The following MAP4K3 variants were observed in gnomAD, a reference collection of about 807,000 sequenced individuals.
The protein encoded by MAP4K3 is MAPK/ERK kinase kinase kinase 3.
In MAP4K3, 94 loss-of-function variants were observed where a neutral mutation model predicts 143.5. The ratio of observed to expected loss-of-function variants is 0.65; its 90% CI spans 0.55 to 0.78. The LOEUF is 0.78. Among genes scored for constraint, MAP4K3 ranks in the 30% least tolerant of loss-of-function variants. The pLI, the probability that MAP4K3 is intolerant of heterozygous loss-of-function variation, is 0.00. For missense variants in MAP4K3, 1,077 were observed against 1,068.1 expected (o/e 1.01, Z -0.12); for synonymous variants, 416 against 347.2 (o/e 1.20, Z -2.20).
chr2:39,415,980 A>AAAAATATATATATAT (rs1553318573), intron 1 of MAP4K3, among the ~76,000 whole-genome samples: 2 of 14,748 alleles, frequency 1.4e-4, no homozygotes, highest in Admixed American at 7.2e-4. Context: ...AAAAAAAAAA[A>AAAAATATATATATAT]ATATATATAT....
At position 39,356,299 on chromosome 2, in the gene MAP4K3, C is replaced by G. The variant is rs1285876041; in HGVS notation, c.195G>C (p.Met65Ile). The G allele has an allele frequency of 2.5e-6, 4 of 1,605,594 alleles. No homozygotes were observed. The Admixed American group carries it at 6.8e-5, about 27-fold the overall frequency. ...FAVVQQEIIMMKDCKHPNIVA... is the reference protein window; with the variant it reads ...FAVVQQEIIMIKDCKHPNIVA... ...CAATATTTGGGTGTTTACAGTCTTT[C>G]ATCATAATAATTTCTTGCTGCACAA... Residue 65 changes from methionine (M) to isoleucine (I), a missense_variant, in exon 3 of 34, where the codon ATG (methionine) becomes ATC (isoleucine). Around this residue, in one of 2 missense-constraint regions of MAP4K3, gnomAD observed 213 missense variants for 266.8 expected, o/e 0.80. Transcript: ENST00000263881.
rs1573153626 is a variant in MAP4K3, at chr2:39,325,608, A to C, written c.828T>G (p.His276Gln). The C allele has an allele frequency of 6.2e-7, 1 of 1,613,118 alleles. No homozygotes were observed. Among genetic ancestry groups the C allele is most frequent in the Middle Eastern group, 1.7e-4 (1 of 5,840 alleles). ...GCTCGATTGCCAAAGACCGTGTCAAATGTTGTGTTACAAAAGGATGCTATA... is the reference window on the plus strand; with the variant it reads ...GCTCGATTGCCAAAGACCGTGTCAACTGTTGTGTTACAAAAGGATGCTATA... ...KLLQHPFVTQ[H>Q]LTRSLAIELL... The change falls in exon 12 of 34, where the codon CAT becomes CAG. Residue 276 changes from histidine (H) to glutamine (Q), a missense_variant. Physicochemically the swap from His to Gln is conservative, Grantham distance 24 (BLOSUM62 0). Around this residue, in one of 2 missense-constraint regions of MAP4K3, gnomAD observed 864 missense variants for 801.2 expected, o/e 1.08. Coordinates refer to ENST00000263881, the MANE Select transcript of MAP4K3 (RefSeq NM_003618.4).
chr2:39,401,932 C>T (rs980755620), intron 1 of MAP4K3, among the ~76,000 whole-genome samples: 5 of 151,930 alleles, frequency 3.3e-5, no homozygotes, highest in Non-Finnish European at 7.4e-5. Flanking sequence ...GTCTGAAATA[C>T]AATAGAAATT....
At chr2:39,280,194 T>C (rs1424221283) in intron 23 of MAP4K3, 78 bp downstream of exon 23, 14 of 833,680 alleles carry the variant, frequency 1.7e-5, no homozygotes, top group Non-Finnish European at 2.3e-5. Flanking sequence ...ACTCAGAAAA[T>C]AAACAAAATC....
intron 31 of MAP4K3, among the ~76,000 whole-genome samples, chr2:39,255,808 G>T (rs1416563956): frequency 6.6e-6 from 1 of 152,192 alleles, no homozygotes; most frequent in African/African-American, 2.4e-5. Flanking sequence ...TTACAGGCAT[G>T]AGCCGCCGCG....
intron 1 of MAP4K3, among the ~76,000 whole-genome samples, chr2:39,378,678 A>T (rs1328312359): frequency 1.3e-5 from 2 of 152,106 alleles, no homozygotes; most frequent in African/African-American, 4.8e-5. Context: ...TTGTGTATAT[A>T]ATTATGAAAA....
chr2:39,430,982 C>A (rs1665266414), intron 1 of MAP4K3, among the ~76,000 whole-genome samples: 1 of 152,230 alleles, frequency 6.6e-6, no homozygotes, highest in South Asian at 2.1e-4. Flanking sequence ...TTATTCATTC[C>A]ATAAATATTT....
At chr2:39,435,962 A>C (rs1665455303) in intron 1 of MAP4K3, among the ~76,000 whole-genome samples, 1 of 152,258 alleles carries the variant, frequency 6.6e-6, no homozygotes, top group Non-Finnish European at 1.5e-5. Flanking sequence ...TTTCCAATGC[A>C]AAATTAAGTT....
chr2:39,354,555 T>C (rs915021652), intron 3 of MAP4K3, among the ~76,000 whole-genome samples: 2 of 151,536 alleles, frequency 1.3e-5, no homozygotes, highest in East Asian at 1.9e-4. Context: ...GAAGTGGAGG[T>C]TGCAGTGAGC....
chr2:39,309,469 G>A lies in MAP4K3; in HGVS notation c.1048C>T (p.His350Tyr). The change falls in exon 14 of 34, where the codon CAT (histidine) becomes TAT (tyrosine). Residue 350 changes from histidine to tyrosine, a missense_variant. Physicochemically the swap from His to Tyr is moderately conservative, Grantham distance 83 (BLOSUM62 2). Around this residue, in one of 2 missense-constraint regions of MAP4K3, gnomAD observed 864 missense variants for 801.2 expected, o/e 1.08. Transcript: ENST00000263881. ...AAGGCTATACTACTTACAAGTTCATGATGTGGTTCTGTCTCCTTTCTTAAG... is the reference window on the plus strand; with the variant it reads ...AAGGCTATACTACTTACAAGTTCATAATGTGGTTCTGTCTCCTTTCTTAAG... ...PPLRKETEPH[H>Y]ELPDSDGFLD... 6.3e-7 allele frequency: 1 copy of A among 1,584,280 alleles called. No individual in the cohort carries two copies. The highest frequency in any genetic ancestry group is 8.6e-7 in the Non-Finnish European group (1 of 1,167,392).
chr2:39,334,789 T>A (rs1683807217), intron 6 of MAP4K3, among the ~76,000 whole-genome samples: 1 of 152,128 alleles, frequency 6.6e-6, no homozygotes, highest in Non-Finnish European at 1.5e-5. Flanking sequence ...AAGTTCCAAT[T>A]CCCATGGAGT....
intron 4 of MAP4K3, among the ~76,000 whole-genome samples, chr2:39,338,303 T>G (rs1026069461): frequency 6.6e-6 from 1 of 152,214 alleles, no homozygotes; most frequent in Non-Finnish European, 1.5e-5. Context: ...TTAGTTGATA[T>G]AGAACATGTA....
At chr2:39,421,676 T>A (rs1352820944) in intron 1 of MAP4K3, among the ~76,000 whole-genome samples, 1 of 152,214 alleles carries the variant, frequency 6.6e-6, no homozygotes, top group Admixed American at 6.5e-5. Context: ...ATAAATGGCA[T>A]CTGCTATGAT....
chr2:39,316,461 G>A (rs930337750), intron 12 of MAP4K3, among the ~76,000 whole-genome samples: 13 of 152,078 alleles, frequency 8.5e-5, no homozygotes, highest in Non-Finnish European at 1.6e-4. Flanking sequence ...GAGGTGAACT[G>A]GAGACTTGAC....
chr2:39,326,844 C>T lies in MAP4K3; in HGVS notation c.531-567G>A, dbSNP rs118018769. 6.4e-4 allele frequency among the ~76,000 whole-genome samples: 98 copies of T among 152,284 alleles called. No homozygotes were observed. The East Asian group carries it at 0.015, about 24-fold the overall frequency. ...TAAAAGTGGCCGTTTCCCGAGTGCT[C>T]TCTCCTGCCACCTTGTGAAGAAGGT... On this transcript the variant is annotated intron_variant, in intron 8 of 33. Coordinates refer to ENST00000263881, the MANE Select transcript of MAP4K3 (RefSeq NM_003618.4).
chr2:39,424,841 A>G (rs1665016430), intron 1 of MAP4K3, among the ~76,000 whole-genome samples: 1 of 150,982 alleles, frequency 6.6e-6, no homozygotes. Flanking sequence ...AAAAAAAAAA[A>G]AAAAAAAAAA....
chr2:39,403,959 T>C (rs1260936778), intron 1 of MAP4K3, among the ~76,000 whole-genome samples: 1 of 151,372 alleles, frequency 6.6e-6, no homozygotes, highest in Non-Finnish European at 1.5e-5. Flanking sequence ...CCAGATAATA[T>C]TCTAGACACA....
At chr2:39,383,077 T>A (rs148582975) in intron 1 of MAP4K3, among the ~76,000 whole-genome samples, 1 of 152,310 alleles carries the variant, frequency 6.6e-6, no homozygotes, top group African/African-American at 2.4e-5. Flanking sequence ...AGAAAATGGA[T>A]AACCCATGCT....
Position 39,292,400 on chromosome 2 carries a change from G to A in MAP4K3, c.1271+373C>T, listed in dbSNP as rs77904326. Among the ~76,000 whole-genome samples the A allele has an allele frequency of 1.7e-3, 255 of 152,120 alleles. 6 individuals are homozygous for A. In the East Asian group the frequency reaches 0.024, roughly 14 times the overall value. ...TAATCCTATGGATTGGTGATCTTAC[G>A]AGAGAGAGAGATCACTCTTACCCCT... On this transcript the variant is annotated intron_variant, in intron 18 of 33. Coordinates refer to ENST00000263881, the MANE Select transcript of MAP4K3 (RefSeq NM_003618.4).
Sources: allele counts gnomAD v4.1 joint callset (sites outside exome capture counted in the v4.1 genomes callset), GRCh38; gene constraint gnomAD v4.1.1; regional missense constraint gnomAD v4.1.1; transcripts MANE v1.5; gene names NCBI Gene and HGNC (gene_info 2026-07-23, HGNC 2026-07-21).